The following PTPRS variants were observed in gnomAD, a reference collection of about 807,000 sequenced individuals.
The protein encoded by PTPRS is protein tyrosine phosphatase receptor type S.
A neutral mutation model predicts 215.3 loss-of-function variants in PTPRS; 63 were observed. That is an observed-to-expected ratio of 0.29 (90% CI 0.24 to 0.36). PTPRS has a LOEUF of 0.36. PTPRS is among the 10% of genes least tolerant of loss of function. The pLI, the probability that PTPRS is intolerant of heterozygous loss-of-function variation, is 1.00. For missense variants in PTPRS, 2,258 were observed against 2,825.8 expected, an observed-to-expected ratio of 0.80 and a Z score of 4.56; for synonymous variants, 1,404 against 1,191.4, an observed-to-expected ratio of 1.18 and a Z score of -3.68.
chr19:5,337,589 G>C (rs2050546771), intron 1 of PTPRS, among the ~76,000 whole-genome samples: 1 of 152,222 alleles, frequency 6.6e-6, no homozygotes, highest in South Asian at 2.1e-4. Context: ...TCACCTCCCA[G>C]AAAGACGTTT....
intron 23 of PTPRS, 103 bp from the exon 24 acceptor site, chr19:5,218,901 T>A: frequency 8.0e-7 from 1 of 1,246,440 alleles, no homozygotes; most frequent in Non-Finnish European, 1.1e-6. Flanking sequence ...GTGCCTTCCT[T>A]AACCTCTGTG....
intron 8 of PTPRS, among the ~76,000 whole-genome samples, chr19:5,256,474 C>G (rs994557665): frequency 6.6e-6 from 1 of 152,000 alleles, no homozygotes; most frequent in Non-Finnish European, 1.5e-5. Flanking sequence ...TGCTGGGGAC[C>G]CCACCTCTGG....
At chr19:5,331,881 T>C (rs1310865791) in intron 1 of PTPRS, among the ~76,000 whole-genome samples, 2 of 152,216 alleles carry the variant, frequency 1.3e-5, no homozygotes, top group African/African-American at 4.8e-5. Context: ...GCGCGGACGC[T>C]GGCCCAGGCC....
chr19:5,251,943 C>T (rs901901239), intron 9 of PTPRS, among the ~76,000 whole-genome samples: 26 of 152,232 alleles, frequency 1.7e-4, no homozygotes, highest in African/African-American at 5.8e-4. Flanking sequence ...AGGGGTGTTC[C>T]AGCCCACCAT....
At chr19:5,216,675 G>T in intron 26 of PTPRS, 45 bp downstream of exon 26, 1 of 1,444,536 alleles carries the variant, frequency 6.9e-7, no homozygotes, top group East Asian at 2.5e-5. Flanking sequence ...GGAAATGAAC[G>T]GGGGCGGGGG....
At chr19:5,305,939 CAAAAAAAA>C (rs35165317) in intron 1 of PTPRS, among the ~76,000 whole-genome samples, 16 of 22,638 alleles carry the variant, frequency 7.1e-4, no homozygotes, top group South Asian at 7.5e-3. Context: ...GACTCCGTCT[CAAAAAAAA>C]AAAAAAAAAA....
intron 1 of PTPRS, among the ~76,000 whole-genome samples, chr19:5,290,161 C>T (rs1353197672): frequency 6.6e-6 from 1 of 152,184 alleles, no homozygotes; most frequent in Admixed American, 6.5e-5. Flanking sequence ...CTGCCCGCCC[C>T]ACCTGGCTCT....
At position 5,250,769 on chromosome 19, in the gene PTPRS, C is replaced by G. The variant is rs535704541; in HGVS notation, c.719-4724G>C. 1.3e-3 allele frequency among the ~76,000 whole-genome samples: 187 copies of G among 149,262 alleles called. 2 individuals are homozygous for G. The highest frequency in any genetic ancestry group is 4.4e-3 in the African/African-American group (178 of 40,644). ...ACCAGGAGACGACCCCTCCCCCAGG[C>G]AGGAAGAGGCAGAAACACAAAAACC... On this transcript the variant is annotated intron_variant, in intron 9 of 37. Coordinates refer to ENST00000262963, the MANE Select transcript of PTPRS (RefSeq NM_002850.4).
intron 1 of PTPRS, among the ~76,000 whole-genome samples, chr19:5,312,241 GAA>G (rs1033984785): frequency 2.0e-5 from 3 of 152,106 alleles, no homozygotes; most frequent in Admixed American, 6.6e-5. Flanking sequence ...ACGCAGCCCT[GAA>G]AAAGACATCC....
At position 5,328,600 on chromosome 19, in the gene PTPRS, G is replaced by A. The variant is rs150174610; in HGVS notation, c.-95+12064C>T. 1.3e-4 allele frequency among the ~76,000 whole-genome samples: 20 copies of A among 152,306 alleles called. No homozygotes were observed. In the East Asian group the frequency reaches 3.9e-3, roughly 29 times the overall value. On this transcript the variant is annotated intron_variant, in intron 1 of 37. Coordinates refer to ENST00000262963, the MANE Select transcript of PTPRS (RefSeq NM_002850.4). The stretch of plus-strand genomic sequence containing the variant: ...GCTCAGAGAGGGTGAGCAAGTAGCT[G>A]AGAGCACACAGCATTTCCGCTGGGA...
At position 5,257,524 on chromosome 19, in the gene PTPRS, T is replaced by C. The variant is rs2045656878; in HGVS notation, c.706+493A>G. Reference sequence around the variant, plus strand: ...GCCTCGAAGACCCCTCCTCAACTTCTAGATTGAGGGCCCTGGATTAGGGGG... The same window carrying C: ...GCCTCGAAGACCCCTCCTCAACTTCCAGATTGAGGGCCCTGGATTAGGGGG... On this transcript the variant is annotated intron_variant, in intron 8 of 37. Transcript: ENST00000262963. This position sits in a 1 kb window ranked among gnomAD's most constrained non-coding sequence, Gnocchi z 4.4. 2 of 448,880 alleles carry C rather than the reference T, an allele frequency of 4.5e-6. No homozygotes were observed. The highest frequency in any genetic ancestry group is 8.9e-6 in the Non-Finnish European group (2 of 223,648). 27.8% of individuals were successfully genotyped at this position (448,880 alleles called of 1,614,324 possible). A position where few individuals can be genotyped will look rare whatever the true frequency, so the allele number is the denominator to read the frequency against.
intron 17 of PTPRS, among the ~76,000 whole-genome samples, chr19:5,224,972 A>C (rs1227391053): frequency 6.6e-6 from 1 of 151,926 alleles, no homozygotes; most frequent in Admixed American, 6.6e-5. Flanking sequence ...TTCCTGAAAC[A>C]CCCGAGCTTG....
At position 5,215,312 on chromosome 19, in the gene PTPRS, C is replaced by T. The variant is rs1379973129; in HGVS notation, c.4295G>A (p.Arg1432His). ...YANVIAYDHSRVILQPIEGIM... is the reference protein window; with the variant it reads ...YANVIAYDHSHVILQPIEGIM... ...ACCTTCAATGGGCTGGAGGATGACACGGGAGTGGTCATAGGCGATGACGTT... is the reference window on the plus strand; with the variant it reads ...ACCTTCAATGGGCTGGAGGATGACATGGGAGTGGTCATAGGCGATGACGTT... Residue 1432 changes from arginine to histidine, a missense_variant, in exon 28 of 38, where the codon CGT becomes CAT. Physicochemically the swap from Arg to His is conservative, Grantham distance 29. Transcript: ENST00000262963. 2 of 1,614,080 alleles carry T rather than the reference C, an allele frequency of 1.2e-6. No individual in the cohort carries two copies. Among genetic ancestry groups the T allele is most frequent in the Non-Finnish European group, 8.5e-7 (1 of 1,179,984 alleles).
At chr19:5,240,975 C>T (rs1264949926) in intron 11 of PTPRS, among the ~76,000 whole-genome samples, 5 of 148,308 alleles carry the variant, frequency 3.4e-5, no homozygotes, top group Middle Eastern at 3.5e-3. Context: ...CTGCAACCTC[C>T]GCCTCCAGGG....
intron 4 of PTPRS, among the ~76,000 whole-genome samples, chr19:5,270,663 A>C (rs1039605174): frequency 3.3e-5 from 5 of 151,596 alleles, no homozygotes; most frequent in African/African-American, 1.2e-4. Context: ...TTTGAGATGG[A>C]GTCTCCCTGT....
At chr19:5,229,449 G>A (rs2042823837) in intron 15 of PTPRS, 42 bp downstream of exon 15, 8 of 1,339,850 alleles carry the variant, frequency 6.0e-6, no homozygotes, top group East Asian at 3.1e-5. Flanking sequence ...GCCCGTCCCC[G>A]CCCGGAGCCC....
At chr19:5,302,588 A>C (rs1247096103) in intron 1 of PTPRS, among the ~76,000 whole-genome samples, 1 of 152,110 alleles carries the variant, frequency 6.6e-6, no homozygotes, top group Non-Finnish European at 1.5e-5. Context: ...TGTTACAAAG[A>C]GATTGGCAGG....
At chr19:5,326,179 C>T (rs1286340840) in intron 1 of PTPRS, among the ~76,000 whole-genome samples, 3 of 152,012 alleles carry the variant, frequency 2.0e-5, no homozygotes, top group Non-Finnish European at 2.9e-5. Flanking sequence ...TGCAGTGAGC[C>T]GAGATCGGGC....
intron 1 of PTPRS, among the ~76,000 whole-genome samples, chr19:5,326,544 G>C (rs763102264): frequency 6.6e-5 from 10 of 151,942 alleles, no homozygotes; most frequent in Non-Finnish European, 1.5e-4. Context: ...GTACTGGCTG[G>C]GCACGGTGGC....
Sources: gnomAD v4.1 joint callset for allele counts (sites outside exome capture counted in the v4.1 genomes callset) on GRCh38, gnomAD v4.1.1 for gene constraint, Gnocchi (gnomAD v3.1) non-coding constraint, MANE v1.5 for transcripts, NCBI Gene and HGNC (gene_info 2026-07-23, HGNC 2026-07-21) for gene names.